Variants in LHFPL6 observed in about 807,000 individuals in gnomAD.
LHFPL6 encodes LHFPL tetraspan subfamily member 6.
LHFPL6 carries 9 observed loss-of-function variants against 20.6 expected under a neutral mutation model. The observed-to-expected ratio is 0.44, with a 90% CI of 0.26 to 0.76. LHFPL6 has a LOEUF of 0.76. Ranked by LOEUF, LHFPL6 falls within the 30% of genes least tolerant of loss-of-function variation. The pLI, the probability that LHFPL6 is intolerant of heterozygous loss-of-function variation, is 0.20. For synonymous variants in LHFPL6, 105 were observed against 98.7 expected (o/e 1.06, Z -0.38); for missense variants, 218 against 253.5 (o/e 0.86, Z 0.95).
rs950265086 is a variant in LHFPL6 at position 39,597,472 on chromosome 13, A to T, written c.385+3360T>A. Among the ~76,000 whole-genome samples the T allele has an allele frequency of 5.9e-5, 9 of 152,352 alleles. 1 individual carries two copies. In the South Asian group the frequency reaches 1.9e-3, roughly 32 times the overall value. Reference sequence around the variant, plus strand: ...GGTATTTGAAAGCACACAATTTTATATTCACCAATCAAAAACATTAAAGCC... The same window carrying T: ...GGTATTTGAAAGCACACAATTTTATTTTCACCAATCAAAAACATTAAAGCC... On this transcript the variant is annotated intron_variant, in intron 2 of 3. Transcript: ENST00000379589.
intron 2 of LHFPL6, among the ~76,000 whole-genome samples, chr13:39,532,543 T>C (rs1489703800): frequency 2.0e-5 from 3 of 152,222 alleles, no homozygotes; most frequent in Non-Finnish European, 4.4e-5. Flanking sequence ...TTTTTACTTG[T>C]ACCATGTATA....
intron 2 of LHFPL6, among the ~76,000 whole-genome samples, chr13:39,400,782 CA>C (rs34833321): frequency 7.7e-3 from 411 of 53,424 alleles, no homozygotes; most frequent in African/African-American, 0.033. Context: ...GACTCCGTCT[CA>C]AAAAAAAAAA....
chr13:39,529,996 C>T (rs2324332), intron 2 of LHFPL6, among the ~76,000 whole-genome samples: 152,155 of 152,366 alleles, frequency 1, 75,974 homozygotes, highest in Middle Eastern at 1. Flanking sequence ...TCCAAAACTA[C>T]AAATGGGCAC....
chr13:39,553,270 C>A (rs1871195990), intron 2 of LHFPL6, among the ~76,000 whole-genome samples: 1 of 152,142 alleles, frequency 6.6e-6, no homozygotes, highest in Non-Finnish European at 1.5e-5. Flanking sequence ...ACAGCAAAAA[C>A]CCCATTCTTC....
At chr13:39,563,928 G>T (rs1254201933) in intron 2 of LHFPL6, among the ~76,000 whole-genome samples, 1 of 152,088 alleles carries the variant, frequency 6.6e-6, no homozygotes, top group African/African-American at 2.4e-5. Context: ...CCCCTAGGGC[G>T]GTTATGTGAG....
intron 2 of LHFPL6, among the ~76,000 whole-genome samples, chr13:39,435,799 A>G (rs1433611135): frequency 1.3e-5 from 2 of 152,142 alleles, no homozygotes; most frequent in Non-Finnish European, 2.9e-5. Flanking sequence ...TAATAACTAC[A>G]TATTTGTATG....
intron 2 of LHFPL6, among the ~76,000 whole-genome samples, chr13:39,422,852 G>T (rs573630847): frequency 6.6e-6 from 1 of 152,174 alleles, no homozygotes; most frequent in South Asian, 2.1e-4. Flanking sequence ...AGTTCCATGG[G>T]ACTGGGGAGG....
chr13:39,351,143 A>G (rs972972116), intron 3 of LHFPL6, among the ~76,000 whole-genome samples: 8 of 152,222 alleles, frequency 5.3e-5, no homozygotes, highest in African/African-American at 1.4e-4. Context: ...AACAACCGAT[A>G]CACATTTGTG....
intron 2 of LHFPL6, among the ~76,000 whole-genome samples, chr13:39,401,471 G>T (rs1371097993): frequency 6.6e-6 from 1 of 152,216 alleles, no homozygotes; most frequent in Non-Finnish European, 1.5e-5. Context: ...TCAATAAGGT[G>T]TGGAGAGGGA....
chr13:39,403,042 G>A (rs553432622), intron 2 of LHFPL6, among the ~76,000 whole-genome samples: 26 of 152,256 alleles, frequency 1.7e-4, no homozygotes, highest in African/African-American at 5.5e-4. Context: ...TTCCCTCAAC[G>A]GGACACACAG....
intron 2 of LHFPL6, among the ~76,000 whole-genome samples, chr13:39,407,488 A>G (rs1301553925): frequency 6.6e-6 from 1 of 152,256 alleles, no homozygotes. Flanking sequence ...GTAAGTGCCA[A>G]ATGGGACATG....
intron 2 of LHFPL6, among the ~76,000 whole-genome samples, chr13:39,399,697 C>T (rs1238572525): frequency 6.6e-6 from 1 of 152,204 alleles, no homozygotes; most frequent in Non-Finnish European, 1.5e-5. Flanking sequence ...AATATTGCCT[C>T]TTACATTTGT....
intron 2 of LHFPL6, among the ~76,000 whole-genome samples, chr13:39,580,700 C>G (rs768560788): frequency 5.9e-5 from 9 of 152,068 alleles, no homozygotes; most frequent in Non-Finnish European, 1.0e-4. Context: ...TTTATCATGC[C>G]TGATATTAGG....
chr13:39,377,112 C>A (rs1014215898), intron 3 of LHFPL6, among the ~76,000 whole-genome samples: 1 of 152,192 alleles, frequency 6.6e-6, no homozygotes, highest in African/African-American at 2.4e-5. Flanking sequence ...GGAGTCTGAA[C>A]AAACAGGTCT....
chr13:39,520,554 A>T (rs1486181096), intron 2 of LHFPL6, among the ~76,000 whole-genome samples: 2 of 152,220 alleles, frequency 1.3e-5, no homozygotes, highest in Non-Finnish European at 2.9e-5. Context: ...AACTGGGCAA[A>T]TTAACAAGTT....
intron 2 of LHFPL6, among the ~76,000 whole-genome samples, chr13:39,424,894 T>C (rs1262546554): frequency 6.6e-6 from 1 of 152,156 alleles, no homozygotes; most frequent in Non-Finnish European, 1.5e-5. Flanking sequence ...TCTTAAATTG[T>C]TTTAGACATT....
At chr13:39,473,987 C>G (rs1192850118) in intron 2 of LHFPL6, among the ~76,000 whole-genome samples, 1 of 152,156 alleles carries the variant, frequency 6.6e-6, no homozygotes, top group African/African-American at 2.4e-5. Flanking sequence ...ATAAAATGTC[C>G]TCAATATGTT....
At chr13:39,526,250 AG>A (rs1183189444) in intron 2 of LHFPL6, among the ~76,000 whole-genome samples, 12 of 152,252 alleles carry the variant, frequency 7.9e-5, no homozygotes, top group Admixed American at 1.3e-4. Flanking sequence ...AATAAATTCT[AG>A]TTGATCTGAA....
intron 2 of LHFPL6, among the ~76,000 whole-genome samples, chr13:39,467,224 C>T (rs1872826310): frequency 1.3e-5 from 2 of 152,134 alleles, no homozygotes; most frequent in African/African-American, 4.8e-5. Context: ...CTTCTAAATC[C>T]TAAGTCTCCT....
Sources: gnomAD v4.1 joint callset for allele counts (sites outside exome capture counted in the v4.1 genomes callset) on GRCh38, gnomAD v4.1.1 for gene constraint, MANE v1.5 for transcripts, NCBI Gene and HGNC (gene_info 2026-07-23, HGNC 2026-07-21) for gene names.